DACH2: variants seen among roughly 807,000 people sequenced by gnomAD.
The protein encoded by DACH2 is dachshund homolog 2.
In DACH2, 17 loss-of-function variants were observed where a neutral mutation model predicts 35.8. The observed-to-expected ratio is 0.48, with a 90% CI of 0.33 to 0.71. The LOEUF is 0.71. DACH2 is among the 30% of genes least tolerant of loss of function. The probability of loss-of-function intolerance (pLI) is 0.02; values close to 1 mark genes in which losing one functional copy is unlikely to be tolerated. For synonymous variants in DACH2, 195 were observed against 177.3 expected, an observed-to-expected ratio of 1.10 and a Z score of -0.79; for missense variants, 469 against 472.7, an observed-to-expected ratio of 0.99 and a Z score of 0.07.
chrX:86,401,150 G>A (rs1172525060), intron 2 of DACH2, among the ~76,000 whole-genome samples: 1 of 112,205 alleles, frequency 8.9e-6, no homozygotes, highest in East Asian at 2.8e-4. Flanking sequence ...CAATGATTGA[G>A]GCTCCGTGGG....
chrX:86,642,564 C>G (rs1395297526), intron 3 of DACH2, among the ~76,000 whole-genome samples: 1 of 111,769 alleles, frequency 8.9e-6, no homozygotes. Context: ...AGAAAATGAA[C>G]AAACATACTG....
At chrX:86,432,964 G>A (rs1344182126) in intron 2 of DACH2, among the ~76,000 whole-genome samples, 2 of 111,497 alleles carry the variant, frequency 1.8e-5, no homozygotes, top group Admixed American at 1.9e-4. Context: ...TAAATACATG[G>A]ACTATGGACC....
chrX:86,705,063 A>ATATCTCACATATATATATATATC (rs1556379594), intron 5 of DACH2, among the ~76,000 whole-genome samples: 24 of 104,658 alleles, frequency 2.3e-4, no homozygotes, highest in African/African-American at 8.6e-4. Context: ...ATATATATAT[A>ATATCTCACATATATATATATATC]TATCTCACAT....
chrX:86,424,660 A>T (rs1220349568), intron 2 of DACH2, among the ~76,000 whole-genome samples: 1 of 111,399 alleles, frequency 9.0e-6, no homozygotes, highest in Non-Finnish European at 1.9e-5. Context: ...TTCAATTTTG[A>T]TGCCCTTTAT....
intron 7 of DACH2, among the ~76,000 whole-genome samples, chrX:86,769,426 A>G (rs183325371): frequency 1.5e-3 from 174 of 112,479 alleles, no homozygotes; most frequent in Non-Finnish European, 2.7e-3. Flanking sequence ...TTTGTGCAGA[A>G]TTAGAAAAAG....
chrX:86,232,764 A>G (rs147529648), intron 1 of DACH2, among the ~76,000 whole-genome samples: 1,219 of 112,323 alleles, frequency 0.011, 23 homozygotes, highest in African/African-American at 0.038. Context: ...GAGTTCAAGT[A>G]TTGTGGAAAG....
At chrX:86,497,722 G>T (rs2038193026) in intron 2 of DACH2, among the ~76,000 whole-genome samples, 2 of 112,048 alleles carry the variant, frequency 1.8e-5, no homozygotes, top group Admixed American at 1.9e-4. Context: ...GGCCAGGCGT[G>T]GTGGCTCATG....
intron 2 of DACH2, among the ~76,000 whole-genome samples, chrX:86,459,332 A>G (rs1475319133): frequency 9.0e-6 from 1 of 111,680 alleles, no homozygotes; most frequent in African/African-American, 3.2e-5. Flanking sequence ...CTCAAAAGCA[A>G]TTTATAAAAG....
intron 6 of DACH2, among the ~76,000 whole-genome samples, chrX:86,730,425 G>A (rs1430540115): frequency 9.0e-6 from 1 of 111,511 alleles, no homozygotes; most frequent in Non-Finnish European, 1.9e-5. Context: ...GTTTACATCT[G>A]AAAACTGGTT....
chrX:86,677,518 T>A (rs1200599200), intron 4 of DACH2, among the ~76,000 whole-genome samples: 1 of 111,943 alleles, frequency 8.9e-6, no homozygotes, highest in Non-Finnish European at 1.9e-5. Flanking sequence ...TGTATTCAGG[T>A]TGTAAACACT....
intron 1 of DACH2, among the ~76,000 whole-genome samples, chrX:86,177,773 G>A (rs1404312719): frequency 9.0e-6 from 1 of 110,818 alleles, no homozygotes; most frequent in East Asian, 2.9e-4. Context: ...TCTTGTTTAG[G>A]GAGAAAGAAG....
intron 7 of DACH2, among the ~76,000 whole-genome samples, chrX:86,775,340 G>A (rs768472427): frequency 9.0e-6 from 1 of 111,304 alleles, no homozygotes; most frequent in Admixed American, 9.6e-5. Flanking sequence ...ACAACAGGAG[G>A]GGAGCTACAG....
chrX:86,682,462 G>A lies in DACH2; in HGVS notation c.773-12559G>A, dbSNP rs1305962750. 4.5e-5 allele frequency among the ~76,000 whole-genome samples: 5 copies of A among 111,759 alleles called. No individual in the cohort carries two copies. The Admixed American group carries it at 4.8e-4, about 11-fold the overall frequency. On this transcript the variant is annotated intron_variant, in intron 4 of 11. Transcript: ENST00000373125. ...TATCACATGGTGTTCTGAGGATTAG[G>A]TGAATACTTTCTACCACACGTCAAG... is the stretch of plus-strand genomic sequence containing the variant.
chrX:86,475,726 T>C (rs2037832966), intron 2 of DACH2, among the ~76,000 whole-genome samples: 1 of 112,080 alleles, frequency 8.9e-6, no homozygotes, highest in African/African-American at 3.2e-5. Flanking sequence ...TGATGTTGAG[T>C]AGCAGTGGTG....
intron 3 of DACH2, among the ~76,000 whole-genome samples, chrX:86,537,977 C>T (rs2038826936): frequency 9.0e-6 from 1 of 110,907 alleles, no homozygotes; most frequent in Non-Finnish European, 1.9e-5. Context: ...GAACAACCCC[C>T]TTTGATTGTA....
intron 3 of DACH2, among the ~76,000 whole-genome samples, chrX:86,556,171 A>G (rs1453902135): frequency 1.8e-5 from 2 of 111,228 alleles, no homozygotes; most frequent in Non-Finnish European, 3.8e-5. Flanking sequence ...GAAAGCTTGC[A>G]ATAGGGGAAG....
chrX:86,265,716 AAGAGAT>A (rs1569321597), intron 1 of DACH2, among the ~76,000 whole-genome samples: 2 of 111,837 alleles, frequency 1.8e-5, no homozygotes, highest in Non-Finnish European at 3.8e-5. Flanking sequence ...CACAGGAAAA[AAGAGAT>A]ATATTTTATT....
intron 1 of DACH2, among the ~76,000 whole-genome samples, chrX:86,171,728 G>A (rs1448447029): frequency 9.0e-6 from 1 of 111,640 alleles, no homozygotes; most frequent in Non-Finnish European, 1.9e-5. Context: ...CTGGGGGATT[G>A]GGGAAGGGTA....
intron 2 of DACH2, among the ~76,000 whole-genome samples, chrX:86,450,442 T>C (rs1375954976): frequency 1.8e-5 from 2 of 111,780 alleles, no homozygotes; most frequent in African/African-American, 3.3e-5. Context: ...ATGGTGCATA[T>C]GTAGCACATT....
Sources: gnomAD v4.1 joint callset for allele counts (sites outside exome capture counted in the v4.1 genomes callset) on GRCh38, gnomAD v4.1.1 for gene constraint, MANE v1.5 for transcripts, NCBI Gene and HGNC (gene_info 2026-07-23, HGNC 2026-07-21) for gene names.